The following SPTB variants were observed in gnomAD, a reference collection of about 807,000 sequenced individuals.
SPTB encodes the protein spectrin beta, erythrocytic, also known as spectrin beta chain, erythrocytic.
Under a neutral mutation model 256.2 loss-of-function variants are expected in SPTB, and 45 were observed. The observed-to-expected ratio is 0.18, with a 90% CI of 0.14 to 0.23. The LOEUF (loss-of-function observed/expected upper bound fraction) is 0.23, where lower values mean the gene tolerates loss of function less well. Ranked by LOEUF, SPTB falls within the 10% of genes least tolerant of loss-of-function variation. SPTB has a pLI of 1.00. For missense variants in SPTB, 2,715 were observed against 3,040.4 expected (o/e 0.89, Z 2.52); for synonymous variants, 1,231 against 1,243.1 (o/e 0.99, Z 0.21).
intron 1 of SPTB, among the ~76,000 whole-genome samples, chr14:64,838,039 C>T (rs992090548): frequency 5.9e-5 from 9 of 152,180 alleles, no homozygotes; most frequent in Non-Finnish European, 1.3e-4. Context: ...AAGCTACAGT[C>T]ATCAAGATAG....
intron 15 of SPTB, among the ~76,000 whole-genome samples, chr14:64,791,382 G>A (rs2269302): frequency 0.31 from 46,926 of 151,636 alleles, 8,120 homozygotes; most frequent in African/African-American, 0.47. Context: ...CCTGGCCAAC[G>A]TGGTGAAACC....
intron 3 of SPTB, among the ~76,000 whole-genome samples, chr14:64,804,487 C>A (rs1369253703): frequency 1.3e-5 from 2 of 152,226 alleles, no homozygotes; most frequent in Non-Finnish European, 2.9e-5. Flanking sequence ...CCTTCATCTA[C>A]TTCTTCTTTG....
At chr14:64,854,855 C>T (rs551965654) in intron 1 of SPTB, among the ~76,000 whole-genome samples, 1 of 152,278 alleles carries the variant, frequency 6.6e-6, no homozygotes, top group Admixed American at 6.5e-5. Flanking sequence ...AGTAGTAGTG[C>T]TACCTCACCC....
rs886583622 is a variant in SPTB at position 64,806,008 on chromosome 14, G to C, written c.149-918C>G. ...CCCTGGCCCATGCTGTACCAGTTCA[G>C]GTGGGGTACTTCTTACTGCCTCTGT... is the stretch of plus-strand genomic sequence containing the variant. On this transcript the variant is annotated intron_variant, in intron 2 of 35. Coordinates refer to ENST00000644917, the MANE Select transcript of SPTB (RefSeq NM_001355436.2). The surrounding 1 kb of genome is among the most constrained non-coding windows in gnomAD (Gnocchi z 4.1). Among the ~76,000 whole-genome samples, 1 of 152,102 alleles carries C rather than the reference G, an allele frequency of 6.6e-6. No individual in the cohort carries two copies. Among genetic ancestry groups the C allele is most frequent in the East Asian group, 1.9e-4 (1 of 5,186 alleles).
At chr14:64,794,442 A>T in intron 13 of SPTB, 25 bp downstream of exon 13, 1 of 1,614,056 alleles carries the variant, frequency 6.2e-7, no homozygotes, top group South Asian at 1.1e-5. Flanking sequence ...GGAAGCCTCA[A>T]AAGGGGAGAC....
rs763594919 is a variant in SPTB, at chr14:64,801,280, C to T, written c.763+5G>A. On this transcript the variant is annotated splice_donor_5th_base_variant and intron_variant, in intron 7 of 35. Transcript: ENST00000644917. ...CAAAGGCTGGCAGGGGTGGGTGTGG[C>T]TCACCTTCGGGGTCGAGGAGCGGGA... 6.8e-6 allele frequency: 11 copies of T among 1,611,836 alleles called. No homozygotes were observed. The highest frequency in any genetic ancestry group is 9.3e-6 in the Non-Finnish European group (11 of 1,178,300).
intron 2 of SPTB, among the ~76,000 whole-genome samples, chr14:64,811,443 A>G (rs890579114): frequency 6.6e-6 from 1 of 152,200 alleles, no homozygotes; most frequent in Non-Finnish European, 1.5e-5. Flanking sequence ...TTTTAAGACA[A>G]CTTGGAAAAT....
At chr14:64,780,895 G>GAT (rs2082458425) in intron 20 of SPTB, among the ~76,000 whole-genome samples, 1 of 152,170 alleles carries the variant, frequency 6.6e-6, no homozygotes, top group Non-Finnish European at 1.5e-5. Flanking sequence ...CAATGGAACA[G>GAT]AGTAGAGAGT....
intron 2 of SPTB, among the ~76,000 whole-genome samples, chr14:64,817,544 C>T (rs2083213819): frequency 6.6e-6 from 1 of 152,206 alleles, no homozygotes; most frequent in South Asian, 2.1e-4. Flanking sequence ...CAACTGGTGC[C>T]TTGTTCTCCA....
In SPTB at chr14:64,802,173, G is replaced by C; in HGVS notation, c.566+53C>G. 6.5e-7 allele frequency: 1 copy of C among 1,544,688 alleles called. No individual in the cohort carries two copies. Among genetic ancestry groups the C allele is most frequent in the Non-Finnish European group, 9.0e-7 (1 of 1,117,252 alleles). On this transcript the variant is annotated intron_variant, in intron 5 of 35. Coordinates refer to ENST00000644917, the MANE Select transcript of SPTB (RefSeq NM_001355436.2). The surrounding 1 kb of genome is among the most constrained non-coding windows in gnomAD (Gnocchi z 5.1). ...TCCCTCTGGAGATGGCAGTGCTTGT[G>C]CGGAGCAAGGGGCTGGTGGTGGATG... is the stretch of plus-strand genomic sequence containing the variant.
intron 1 of SPTB, among the ~76,000 whole-genome samples, chr14:64,848,384 C>G (rs1426984973): frequency 6.6e-6 from 1 of 152,248 alleles, no homozygotes; most frequent in South Asian, 2.1e-4. Context: ...CTAAATGAGA[C>G]TCAAGCCTGT....
Position 64,764,751 on chromosome 14 carries a change from G to A in SPTB, c.6345+1975C>T, listed in dbSNP as rs1461196052. 6.6e-6 allele frequency among the ~76,000 whole-genome samples: 1 copy of A among 152,186 alleles called. No homozygotes were observed. The highest frequency in any genetic ancestry group is 1.5e-5 in the Non-Finnish European group (1 of 68,034). On this transcript the variant is annotated intron_variant, in intron 32 of 35. Coordinates refer to ENST00000644917, the MANE Select transcript of SPTB (RefSeq NM_001355436.2). This position sits in a 1 kb window ranked among gnomAD's most constrained non-coding sequence, Gnocchi z 4.2. The stretch of plus-strand genomic sequence containing the variant: ...CGCATGGCAGAAGCAGGCGGGGGCA[G>A]GGTGCAGGGCCCTAGCCCGTGTCCG...
intron 22 of SPTB, among the ~76,000 whole-genome samples, chr14:64,776,074 G>A (rs965917459): frequency 6.6e-6 from 1 of 152,092 alleles, no homozygotes; most frequent in Non-Finnish European, 1.5e-5. Context: ...GCCCTGACAC[G>A]TGTTACTTGT....
intron 1 of SPTB, among the ~76,000 whole-genome samples, chr14:64,846,099 C>A (rs1368136975): frequency 6.6e-6 from 1 of 152,190 alleles, no homozygotes. Flanking sequence ...AAGCAGAGAA[C>A]TGCTACTCCC....
At chr14:64,835,584 C>T (rs1176694191) in intron 1 of SPTB, among the ~76,000 whole-genome samples, 2 of 152,146 alleles carry the variant, frequency 1.3e-5, no homozygotes, top group Non-Finnish European at 2.9e-5. Context: ...CCCAGGTCTG[C>T]AGGGAGAGCA....
rs1361928904 is a variant in SPTB, at chr14:64,873,308, C to G, written c.-52+6484G>C. Reference sequence around the variant, plus strand: ...CACATTCACTGTTACATTCCCTGGGCCTACAGCATGTCTGGCAAATTAAAT... The same window carrying G: ...CACATTCACTGTTACATTCCCTGGGGCTACAGCATGTCTGGCAAATTAAAT... On this transcript the variant is annotated intron_variant, in intron 1 of 35. Transcript: ENST00000644917. The surrounding 1 kb of genome is among the most constrained non-coding windows in gnomAD (Gnocchi z 4.3). Among the ~76,000 whole-genome samples the G allele has an allele frequency of 6.6e-6, 1 of 152,194 alleles. No homozygotes were observed. The highest frequency in any genetic ancestry group is 1.5e-5 in the Non-Finnish European group (1 of 68,050).
At chr14:64,834,900 G>A (rs1162876939) in intron 1 of SPTB, among the ~76,000 whole-genome samples, 2 of 152,308 alleles carry the variant, frequency 1.3e-5, no homozygotes, top group Middle Eastern at 3.4e-3. Context: ...TCGTGTCACA[G>A]AAATGTCAGT....
chr14:64,814,106 C>T (rs17767662), intron 2 of SPTB, among the ~76,000 whole-genome samples: 47,993 of 152,080 alleles, frequency 0.32, 7,730 homozygotes, highest in South Asian at 0.47. Flanking sequence ...TTACTACATA[C>T]CTTAAAATGC....
Position 64,777,377 on chromosome 14 carries a change from C to T in SPTB, c.4563+1780G>A, listed in dbSNP as rs113783806. On this transcript the variant is annotated intron_variant, in intron 22 of 35. Coordinates refer to ENST00000644917, the MANE Select transcript of SPTB (RefSeq NM_001355436.2). This position sits in a 1 kb window ranked among gnomAD's most constrained non-coding sequence, Gnocchi z 4.5. ...TTGCCCACTGAATAATCCAGGGAAA[C>T]AGATGCAGCTAGGGGCCTACCCCCA... Among the ~76,000 whole-genome samples the T allele has an allele frequency of 9.3e-4, 142 of 152,312 alleles. 1 individual carries two copies. The highest frequency in any genetic ancestry group is 3.2e-3 in the African/African-American group (135 of 41,574).
Sources: allele counts gnomAD v4.1 joint callset (sites outside exome capture counted in the v4.1 genomes callset), GRCh38; gene constraint gnomAD v4.1.1; non-coding constraint Gnocchi (gnomAD v3.1); transcripts MANE v1.5; gene names NCBI Gene and HGNC (gene_info 2026-07-23, HGNC 2026-07-21).